SRFBP1: variants seen among roughly 807,000 people sequenced by gnomAD.
SRFBP1 encodes the protein serum response factor binding protein 1, also known as serum response factor-binding protein 1.
Under a neutral mutation model 45.5 loss-of-function variants are expected in SRFBP1, and 47 were observed. The observed-to-expected ratio is 1.03, with a 90% CI of 0.82 to 1.32. The LOEUF (loss-of-function observed/expected upper bound fraction) is 1.32. SRFBP1 is among the 40% of genes most tolerant of loss of function. The pLI is 0.00. For missense variants in SRFBP1, 621 were observed against 484.6 expected (o/e 1.28, Z -2.64); for synonymous variants, 203 against 166.3 (o/e 1.22, Z -1.70).
chr5:122,039,167 A>G (rs1753736020), intron 2 of SRFBP1, among the ~76,000 whole-genome samples: 1 of 152,186 alleles, frequency 6.6e-6, no homozygotes, highest in Non-Finnish European at 1.5e-5. Context: ...CGTAATGGGA[A>G]TGGCAGCTTC....
intron 1 of SRFBP1, 34 bp from the exon 2 acceptor site, chr5:121,974,162 G>A (rs1189949999): frequency 7.0e-7 from 1 of 1,436,362 alleles, no homozygotes; most frequent in South Asian, 1.2e-5. Flanking sequence ...TGAAGTAAGT[G>A]CCTTTCTTCT....
Position 121,961,996 on chromosome 5 carries a change from C to G in SRFBP1, c.-37C>G. 6.2e-7 allele frequency: 1 copy of G among 1,613,634 alleles called. No individual in the cohort carries two copies. Among genetic ancestry groups the G allele is most frequent in the Non-Finnish European group, 8.5e-7 (1 of 1,179,906 alleles). ...AGCCGCGGTCTGAGAGACCGGTTCA[C>G]GTGCAGGCAGCGGCGGATCATATTC... On this transcript the variant is annotated 5_prime_UTR_variant, in exon 1 of 8. Coordinates refer to ENST00000339397, the MANE Select transcript of SRFBP1 (RefSeq NM_152546.3).
At chr5:122,001,239 T>G (rs1227082350) in intron 4 of SRFBP1, among the ~76,000 whole-genome samples, 1 of 151,488 alleles carries the variant, frequency 6.6e-6, no homozygotes, top group Non-Finnish European at 1.5e-5. Flanking sequence ...TGAATAAAAG[T>G]TTGTGTAATG....
chr5:122,017,701 T>C (rs974252215), intron 4 of SRFBP1, among the ~76,000 whole-genome samples: 1 of 152,198 alleles, frequency 6.6e-6, no homozygotes, highest in African/African-American at 2.4e-5. Context: ...CTCACATAAA[T>C]CCTACAAACA....
chr5:121,979,619 G>C (rs972402339), intron 3 of SRFBP1, among the ~76,000 whole-genome samples: 8 of 152,174 alleles, frequency 5.3e-5, no homozygotes, highest in Non-Finnish European at 1.5e-5. Flanking sequence ...GACTCAACGT[G>C]TTAGAGATCT....
chr5:122,023,877 G>A (rs2112712489), intron 7 of SRFBP1, among the ~76,000 whole-genome samples: 1 of 152,246 alleles, frequency 6.6e-6, no homozygotes, highest in East Asian at 1.9e-4. Context: ...CTTTCTTTGA[G>A]CTAGTTCTCA....
chr5:122,023,887 A>C (rs1304745591), intron 7 of SRFBP1, among the ~76,000 whole-genome samples: 2 of 152,178 alleles, frequency 1.3e-5, no homozygotes, highest in Non-Finnish European at 2.9e-5. Flanking sequence ...GCTAGTTCTC[A>C]AACTTGTCTT....
intron 3 of SRFBP1, among the ~76,000 whole-genome samples, chr5:121,975,665 A>G (rs1289877454): frequency 6.6e-6 from 1 of 151,970 alleles, no homozygotes; most frequent in Non-Finnish European, 1.5e-5. Flanking sequence ...CTCCTGCCTC[A>G]GGTTTTTATT....
chr5:121,973,979 A>G lies in SRFBP1; in HGVS notation c.37-217A>G, dbSNP rs376233807. ...ATACTGTGACTTTTTAAAAAATTAT[A>G]ACTTGTTTTTCTTAAGCTCTCAGAC... On this transcript the variant is annotated intron_variant, in intron 1 of 7. Coordinates refer to ENST00000339397, the MANE Select transcript of SRFBP1 (RefSeq NM_152546.3). Among the ~76,000 whole-genome samples, 114 of 151,962 alleles carry G rather than the reference A, an allele frequency of 7.5e-4. 3 individuals carry two copies. The South Asian group carries it at 0.02, about 27-fold the overall frequency.
intron 3 of SRFBP1, among the ~76,000 whole-genome samples, chr5:121,981,544 A>G (rs1364373952): frequency 7.2e-6 from 1 of 139,630 alleles, no homozygotes; most frequent in Non-Finnish European, 1.5e-5. Flanking sequence ...TCTTCCACTT[A>G]CCCTGTACCT....
intron 3 of SRFBP1, among the ~76,000 whole-genome samples, chr5:121,978,183 A>G (rs190955871): frequency 6.6e-6 from 1 of 152,288 alleles, no homozygotes; most frequent in African/African-American, 2.4e-5. Context: ...TATGTGTTTT[A>G]TATTTACTGT....
At chr5:121,969,133 T>C (rs932066364) in intron 1 of SRFBP1, among the ~76,000 whole-genome samples, 1 of 152,146 alleles carries the variant, frequency 6.6e-6, no homozygotes, top group Non-Finnish European at 1.5e-5. Context: ...GAAATAGAGC[T>C]CATTCTCTAA....
In SRFBP1 at chr5:122,020,798, A is replaced by G. The variant is rs374836129; in HGVS notation, c.1063A>G (p.Arg355Gly). The G allele has an allele frequency of 5.8e-6, 9 of 1,548,578 alleles. No individual in the cohort carries two copies. Among genetic ancestry groups the G allele is most frequent in the Middle Eastern group, 1.7e-4 (1 of 5,748 alleles). ...CTCTTTATCTGGATCTAAAAGCTCT[A>G]GAAGGTAAGATTCTTTTTCTATTCT... ...FHSLSGSKSS[R>G]RNFKEQAPKT... is the part of the protein sequence containing the mutation. The change falls in exon 6 of 8, where the codon AGA becomes GGA. Residue 355 changes from arginine (R) to glycine (G), a missense_variant. Transcript: ENST00000339397.
At chr5:122,035,826 C>T (rs1753686081) in intron 2 of SRFBP1, among the ~76,000 whole-genome samples, 3 of 152,136 alleles carry the variant, frequency 2.0e-5, no homozygotes, top group Admixed American at 2.0e-4. Flanking sequence ...CACAGGTTCT[C>T]GCTAAGTATA....
chr5:121,972,041 A>G (rs1580498493), intron 1 of SRFBP1, among the ~76,000 whole-genome samples: 1 of 152,044 alleles, frequency 6.6e-6, no homozygotes, highest in East Asian at 1.9e-4. Flanking sequence ...GGTCCTAGTG[A>G]ACCATGTAAT....
rs1280792604 is a variant in SRFBP1, at chr5:122,047,096, A to G, written n.311+24689A>G. ...TTGGCTTTTGTTGCCATTGCTTTTG[A>G]TGTTTTAGACATGAAGTCCTTGCCC... On this transcript the variant is annotated intron_variant and non_coding_transcript_variant, in intron 2 of 2. Transcript: ENST00000504881. Among the ~76,000 whole-genome samples the G allele has an allele frequency of 6.6e-5, 10 of 152,044 alleles. No homozygotes were observed. In the East Asian group the frequency reaches 1.2e-3, roughly 18 times the overall value.
intron 2 of SRFBP1, among the ~76,000 whole-genome samples, chr5:122,041,798 C>G (rs1753778064): frequency 6.6e-6 from 1 of 152,010 alleles, no homozygotes; most frequent in African/African-American, 2.4e-5. Flanking sequence ...TTTCATAATT[C>G]TTTATCTTGC....
intron 4 of SRFBP1, among the ~76,000 whole-genome samples, chr5:122,017,160 C>T (rs376398111): frequency 2.7e-4 from 41 of 152,212 alleles, no homozygotes; most frequent in African/African-American, 9.4e-4. Context: ...ACCCGGGAGG[C>T]GGAGGTTGCA....
At chr5:122,048,588 T>G (rs1488564054) in intron 2 of SRFBP1, among the ~76,000 whole-genome samples, 1 of 152,208 alleles carries the variant, frequency 6.6e-6, no homozygotes, top group African/African-American at 2.4e-5. Flanking sequence ...TTCCCTCTTT[T>G]TCTATTGATT....
Sources: allele counts gnomAD v4.1 joint callset (sites outside exome capture counted in the v4.1 genomes callset), GRCh38; gene constraint gnomAD v4.1.1; transcripts MANE v1.5; gene names NCBI Gene and HGNC (gene_info 2026-07-23, HGNC 2026-07-21).